ZNF850: variants seen among roughly 807,000 people sequenced by gnomAD.
The protein encoded by ZNF850 is putative zinc finger protein ENSP00000330994.
In ZNF850, 2 loss-of-function variants were observed where a neutral mutation model predicts 11.9. That is an observed-to-expected ratio of 0.17 (90% CI 0.07 to 0.53). ZNF850 has a LOEUF of 0.53. ZNF850 is among the 20% of genes least tolerant of loss of function. ZNF850 has a pLI of 0.94. For missense variants in ZNF850, 1,014 were observed against 1,316.4 expected, an observed-to-expected ratio of 0.77 and a Z score of 3.55; for synonymous variants, 381 against 443.0, an observed-to-expected ratio of 0.86 and a Z score of 1.76.
At chr19:36,764,752 A>T in intron 1 of ZNF850, among the ~76,000 whole-genome samples, 1 of 123,344 alleles carries the variant, frequency 8.1e-6, no homozygotes, top group Non-Finnish European at 1.6e-5. Flanking sequence ...TTTTTGAAGC[A>T]GTCTCGCTCT....
chr19:36,760,775 G>T (rs2145964380), intron 4 of ZNF850, among the ~76,000 whole-genome samples: 1 of 151,916 alleles, frequency 6.6e-6, no homozygotes, highest in Non-Finnish European at 1.5e-5. Flanking sequence ...TGAGGCAGGA[G>T]AATTACTTGA....
In ZNF850 at chr19:36,746,566, T is replaced by C. The variant is rs2145952400; in HGVS notation, c.*1201A>G. 6.6e-6 allele frequency: 1 copy of C among 152,148 alleles called. No homozygotes were observed. Among genetic ancestry groups the C allele is most frequent in the African/African-American group, 2.4e-5 (1 of 41,564 alleles). 9.4% of individuals were successfully genotyped at this position (152,148 alleles called of 1,614,324 possible). A position where few individuals can be genotyped will look rare whatever the true frequency, so the allele number is the denominator to read the frequency against. On this transcript the variant is annotated 3_prime_UTR_variant, in exon 5 of 5. Coordinates refer to ENST00000591344, the MANE Select transcript of ZNF850 (RefSeq NM_001193552.2). ...GGTTTCAACATGTTGGCCAGGCTGGTCTTGAACTCTTAACCTCAGGTGATC... is the reference window on the plus strand; with the variant it reads ...GGTTTCAACATGTTGGCCAGGCTGGCCTTGAACTCTTAACCTCAGGTGATC...
intron 4 of ZNF850, among the ~76,000 whole-genome samples, chr19:36,759,114 C>T (rs2040503845): frequency 6.6e-6 from 1 of 151,672 alleles, no homozygotes; most frequent in African/African-American, 2.4e-5. Context: ...AGGAATCTCA[C>T]ATCTGAAAGA....
chr19:36,764,017 C>T (rs1600615028), intron 1 of ZNF850, among the ~76,000 whole-genome samples: 3 of 152,134 alleles, frequency 2.0e-5, no homozygotes, highest in East Asian at 3.9e-4. Flanking sequence ...GAGGCTGAGT[C>T]GGGCGGATCA....
At chr19:36,753,476 T>C (rs1306650591) in intron 4 of ZNF850, among the ~76,000 whole-genome samples, 12 of 130,488 alleles carry the variant, frequency 9.2e-5, no homozygotes, top group Admixed American at 4.2e-4. Flanking sequence ...GCCTGTAGCC[T>C]CAGGTACTCG....
At chr19:36,768,084 G>C (rs918016616) in intron 1 of ZNF850, among the ~76,000 whole-genome samples, 1 of 151,926 alleles carries the variant, frequency 6.6e-6, no homozygotes. Flanking sequence ...AATATAGGGA[G>C]ACCCCCGTCT....
intron 1 of ZNF850, among the ~76,000 whole-genome samples, chr19:36,770,575 G>A (rs184066920): frequency 7.9e-5 from 12 of 151,846 alleles, no homozygotes; most frequent in East Asian, 3.9e-4. Context: ...GCGTGGTGGC[G>A]CGTGCCTGTA....
chr19:36,752,962 G>A (rs929807027), intron 4 of ZNF850, among the ~76,000 whole-genome samples: 2 of 152,132 alleles, frequency 1.3e-5, no homozygotes, highest in Non-Finnish European at 2.9e-5. Context: ...GAGTGCCATG[G>A]ATGGTAAATT....
intron 4 of ZNF850, among the ~76,000 whole-genome samples, chr19:36,758,385 T>C (rs146191739): frequency 4.6e-5 from 7 of 152,264 alleles, no homozygotes; most frequent in African/African-American, 1.7e-4. Context: ...AAAAAGTTCT[T>C]TTTTTGTTTT....
At chr19:36,755,287 G>T (rs1018490706) in intron 4 of ZNF850, among the ~76,000 whole-genome samples, 25 of 152,148 alleles carry the variant, frequency 1.6e-4, no homozygotes, top group African/African-American at 6.0e-4. Flanking sequence ...GAATGCAGTG[G>T]TGCAATCTCG....
At chr19:36,755,889 T>C (rs2040483165) in intron 4 of ZNF850, among the ~76,000 whole-genome samples, 1 of 149,938 alleles carries the variant, frequency 6.7e-6, no homozygotes, top group Non-Finnish European at 1.5e-5. Flanking sequence ...AGTTTTTTTA[T>C]ATATCTAGTT....
At chr19:36,770,703 CAAAAAAAAAAAAAAAAAAAA>C (rs567709722) in intron 1 of ZNF850, among the ~76,000 whole-genome samples, 35,959 of 69,166 alleles carry the variant, frequency 0.52, 6,422 homozygotes, top group Middle Eastern at 0.61. Flanking sequence ...GAGACTCCAT[CAAAAAAAAAAAAAAAAAAAA>C]AAAAAAAAAA....
chr19:36,751,471 C>A (rs750496233), intron 4 of ZNF850, among the ~76,000 whole-genome samples: 13 of 151,880 alleles, frequency 8.6e-5, no homozygotes, highest in Non-Finnish European at 1.9e-4. Flanking sequence ...GAGGCTGAAG[C>A]GGGCGGACCA....
chr19:36,754,477 A>G (rs1009411197), intron 4 of ZNF850, among the ~76,000 whole-genome samples: 7 of 152,212 alleles, frequency 4.6e-5, no homozygotes, highest in African/African-American at 1.7e-4. Context: ...ATCCAGTAAA[A>G]TAAACTCTAA....
At position 36,748,166 on chromosome 19, in the gene ZNF850, A is replaced by G. The variant is rs757525348; in HGVS notation, c.2874T>C (p.Cys958=). The change falls in exon 5 of 5, where the codon TGT becomes TGC. Residue 958 remains cysteine (C), a synonymous_variant. Transcript: ENST00000591344. ...GTGTACGCTGTCTGAAGGACTTCCC[A>G]CATGTCTTACATTCATAGGGTTTCT... ...TGEKPYECKT[C]GKSFRQRTHL... is the part of the protein sequence containing the mutation. 1.5e-5 allele frequency: 24 copies of G among 1,552,658 alleles called. No individual in the cohort carries two copies. In the South Asian group the frequency reaches 2.8e-4, roughly 18 times the overall value.
At chr19:36,768,276 G>T (rs1003960971) in intron 1 of ZNF850, among the ~76,000 whole-genome samples, 5 of 151,434 alleles carry the variant, frequency 3.3e-5, no homozygotes, top group African/African-American at 1.2e-4. Flanking sequence ...TTCAATAAAC[G>T]TAGGTTATTC....
Position 36,750,691 on chromosome 19 carries a change from C to T in ZNF850, c.349G>A (p.Val117Ile). The T allele has an allele frequency of 6.5e-7, 1 of 1,536,158 alleles. No homozygotes were observed. The highest frequency in any genetic ancestry group is 2.0e-5 in the Admixed American group (1 of 50,976). ...CCTTTGCATTCCCAGTCATCTCTGA[C>T]ACTGGAGCCCACAAGGCTATGACAT... ...EKCHSLVGSS[V>I]RDDWECKGQF... The change falls in exon 5 of 5, where the codon GTC becomes ATC. Residue 117 changes from valine (V) to isoleucine (I), a missense_variant. Around this residue, in one of 2 missense-constraint regions of ZNF850, gnomAD observed 835 missense variants for 1,022.0 expected, o/e 0.82. Transcript: ENST00000591344.
intron 1 of ZNF850, among the ~76,000 whole-genome samples, chr19:36,764,949 G>T (rs1374717421): frequency 6.6e-6 from 1 of 151,966 alleles, no homozygotes; most frequent in East Asian, 1.9e-4. Flanking sequence ...GGCTCCCAAA[G>T]TACTGGGATT....
At chr19:36,756,937 A>G (rs1488134062) in intron 4 of ZNF850, among the ~76,000 whole-genome samples, 1 of 152,154 alleles carries the variant, frequency 6.6e-6, no homozygotes, top group Non-Finnish European at 1.5e-5. Flanking sequence ...GTTAATGCCC[A>G]TTTAGATTGT....
Sources: allele counts gnomAD v4.1 joint callset (sites outside exome capture counted in the v4.1 genomes callset), GRCh38; gene constraint gnomAD v4.1.1; regional missense constraint gnomAD v4.1.1; transcripts MANE v1.5; gene names NCBI Gene and HGNC (gene_info 2026-07-23, HGNC 2026-07-21).